The following SORCS2 variants were observed in gnomAD, a reference collection of about 807,000 sequenced individuals.
SORCS2 encodes VPS10 domain-containing receptor SorCS2.
In SORCS2, 100 loss-of-function variants were observed where a neutral mutation model predicts 141.6. The ratio of observed to expected loss-of-function variants is 0.71; its 90% CI spans 0.60 to 0.83. The LOEUF is 0.83. Among genes scored for constraint, SORCS2 ranks in the 40% least tolerant of loss-of-function variants. SORCS2 has a pLI of 0.00. For missense variants in SORCS2, 1,646 were observed against 1,560.2 expected (o/e 1.05, Z -0.93); for synonymous variants, 789 against 676.9 (o/e 1.17, Z -2.57).
intron 11 of SORCS2, among the ~76,000 whole-genome samples, chr4:7,695,400 T>A (rs182677430): frequency 9.7e-3 from 23 of 2,362 alleles, no homozygotes; most frequent in African/African-American, 0.016. Flanking sequence ...GGGTGGGTGG[T>A]TGGGTGGGTG....
intron 2 of SORCS2, chr4:7,434,048 C>G (rs758954136): frequency 6.2e-6 from 10 of 1,611,324 alleles, no homozygotes; most frequent in Non-Finnish European, 7.6e-6. Flanking sequence ...CTTGGCAACC[C>G]CAGCTCCAGG....
chr4:7,571,154 T>C lies in SORCS2; in HGVS notation c.648+39525T>C, dbSNP rs115010527. 6.7e-3 allele frequency among the ~76,000 whole-genome samples: 1,017 copies of C among 152,360 alleles called. 12 individuals carry two copies. Among genetic ancestry groups the C allele is most frequent in the African/African-American group, 0.023 (972 of 41,582 alleles). On this transcript the variant is annotated intron_variant, in intron 3 of 26. Coordinates refer to ENST00000507866, the MANE Select transcript of SORCS2 (RefSeq NM_020777.3). ...GTGTTTGTTCAAGAAACAGAAAGAA[T>C]GCAGTGAACCTGGGCAGCATTTACT...
intron 1 of SORCS2, among the ~76,000 whole-genome samples, chr4:7,317,627 A>G (rs1356620530): frequency 6.6e-6 from 1 of 152,010 alleles, no homozygotes; most frequent in Non-Finnish European, 1.5e-5. Context: ...TTCCTGTCCC[A>G]CTGGAGGAAT....
intron 2 of SORCS2, among the ~76,000 whole-genome samples, chr4:7,526,082 A>G (rs1193506871): frequency 1.3e-5 from 2 of 151,968 alleles, no homozygotes; most frequent in Non-Finnish European, 2.9e-5. Context: ...CAACTGCAGC[A>G]CTCTTCCCAA....
chr4:7,601,123 G>T (rs2108792233), intron 3 of SORCS2, among the ~76,000 whole-genome samples: 1 of 152,224 alleles, frequency 6.6e-6, no homozygotes, highest in South Asian at 2.1e-4. Flanking sequence ...TAGTCTTTTA[G>T]TTTTATCCTA....
At chr4:7,507,409 C>T (rs9997284) in intron 2 of SORCS2, among the ~76,000 whole-genome samples, 87,538 of 152,052 alleles carry the variant, frequency 0.58, 27,155 homozygotes, top group East Asian at 0.99. Context: ...TTCTGACCTC[C>T]TGGGTCCGCC....
At chr4:7,531,241 G>A (rs1711612704) in intron 2 of SORCS2, among the ~76,000 whole-genome samples, 2 of 152,342 alleles carry the variant, frequency 1.3e-5, no homozygotes, top group Non-Finnish European at 2.9e-5. Context: ...AGGAGGCATG[G>A]GGGAGGAATG....
intron 26 of SORCS2, among the ~76,000 whole-genome samples, chr4:7,739,914 C>T (rs907893569): frequency 4.6e-5 from 7 of 152,172 alleles, no homozygotes; most frequent in African/African-American, 1.4e-4. Context: ...ATGCCGGGGG[C>T]GATCCCCACG....
At chr4:7,372,489 G>A (rs183185614) in intron 1 of SORCS2, among the ~76,000 whole-genome samples, 123 of 152,182 alleles carry the variant, frequency 8.1e-4, no homozygotes, top group Admixed American at 2.8e-3. Context: ...TGTATTTTCA[G>A]TAGAGACGGG....
intron 2 of SORCS2, among the ~76,000 whole-genome samples, chr4:7,480,091 C>G (rs115925037): frequency 0.075 from 11,401 of 152,264 alleles, 685 homozygotes; most frequent in South Asian, 0.25. Context: ...GGGCAGGAAG[C>G]CCCCTTCTGC....
chr4:7,550,130 G>T (rs79363015), intron 3 of SORCS2, among the ~76,000 whole-genome samples: 2 of 61,880 alleles, frequency 3.2e-5, no homozygotes, highest in African/African-American at 4.3e-5. Flanking sequence ...GTGTATGTGT[G>T]TATGTGTGTG....
chr4:7,674,033 AG>A (rs1722950139), intron 8 of SORCS2, among the ~76,000 whole-genome samples: 1 of 152,162 alleles, frequency 6.6e-6, no homozygotes. Context: ...AGCTGAGGTG[AG>A]GAGGGCAGAA....
intron 21 of SORCS2, 43 bp from the exon 22 acceptor site, chr4:7,728,307 G>A (rs1460781302): frequency 6.7e-7 from 1 of 1,492,614 alleles, no homozygotes; most frequent in East Asian, 2.3e-5. Context: ...TCAGAGCCAG[G>A]CTGTCCAGAA....
At chr4:7,407,411 A>T (rs151009007) in intron 2 of SORCS2, among the ~76,000 whole-genome samples, 1 of 151,878 alleles carries the variant, frequency 6.6e-6, no homozygotes, top group African/African-American at 2.4e-5. Flanking sequence ...TGGTGCATTG[A>T]CCCCTTTATC....
At chr4:7,561,327 G>A (rs1714532867) in intron 3 of SORCS2, among the ~76,000 whole-genome samples, 1 of 150,768 alleles carries the variant, frequency 6.6e-6, no homozygotes, top group Non-Finnish European at 1.5e-5. Context: ...CTACAGACAT[G>A]GAGGGGAGCG....
Position 7,217,861 on chromosome 4 carries a change from G to A in SORCS2, c.480+24735G>A, listed in dbSNP as rs1452070417. On this transcript the variant is annotated intron_variant, in intron 1 of 26. Transcript: ENST00000507866. Reference sequence around the variant, plus strand: ...CTGGGCTCATAGGGGCAAGGTTCTTGAAGGGATTGTGTATTTTTAGGGTGG... The same window carrying A: ...CTGGGCTCATAGGGGCAAGGTTCTTAAAGGGATTGTGTATTTTTAGGGTGG... 2.6e-5 allele frequency among the ~76,000 whole-genome samples: 4 copies of A among 152,236 alleles called. No individual in the cohort carries two copies. The East Asian group carries it at 7.7e-4, about 29-fold the overall frequency.
intron 1 of SORCS2, among the ~76,000 whole-genome samples, chr4:7,248,453 T>G (rs530357526): frequency 2.0e-5 from 3 of 152,302 alleles, no homozygotes; most frequent in African/African-American, 7.2e-5. Flanking sequence ...TCATCTGTAA[T>G]AAAGAAGATG....
In SORCS2 at chr4:7,713,036, C is replaced by T. The variant is rs560636555; in HGVS notation, c.1989+183C>T. ...CCTGTGGGCTTTTCCAGACCCTTCTCGGTCATGGAGCTACCTGGGCTGAGG... is the reference window on the plus strand; with the variant it reads ...CCTGTGGGCTTTTCCAGACCCTTCTTGGTCATGGAGCTACCTGGGCTGAGG... On this transcript the variant is annotated intron_variant, in intron 15 of 26. Coordinates refer to ENST00000507866, the MANE Select transcript of SORCS2 (RefSeq NM_020777.3). Among the ~76,000 whole-genome samples, 227 of 152,198 alleles carry T rather than the reference C, an allele frequency of 1.5e-3. 2 individuals carry two copies. The highest frequency in any genetic ancestry group is 3.4e-3 in the Middle Eastern group (1 of 294).
chr4:7,535,780 T>C (rs925012566), intron 3 of SORCS2, among the ~76,000 whole-genome samples: 5 of 152,132 alleles, frequency 3.3e-5, no homozygotes, highest in Non-Finnish European at 5.9e-5. Context: ...CACATGGCCA[T>C]GGAACAGAGG....
Sources: gnomAD v4.1 joint callset for allele counts (sites outside exome capture counted in the v4.1 genomes callset) on GRCh38, gnomAD v4.1.1 for gene constraint, MANE v1.5 for transcripts, NCBI Gene and HGNC (gene_info 2026-07-23, HGNC 2026-07-21) for gene names.